UNC5D: variants seen among roughly 807,000 people sequenced by gnomAD.
UNC5D encodes the protein netrin receptor UNC5D.
Under a neutral mutation model 105.4 loss-of-function variants are expected in UNC5D, and 39 were observed. The observed-to-expected ratio is 0.37, with a 90% CI of 0.29 to 0.48. UNC5D has a LOEUF of 0.48. Ranked by LOEUF, UNC5D falls within the 20% of genes least tolerant of loss-of-function variation. The pLI, the probability that UNC5D is intolerant of heterozygous loss-of-function variation, is 0.98. For missense variants in UNC5D, 991 were observed against 1,202.4 expected (o/e 0.82, Z 2.60); for synonymous variants, 452 against 450.4 (o/e 1.00, Z -0.04).
chr8:35,614,471 A>G (rs751945976), intron 4 of UNC5D, among the ~76,000 whole-genome samples: 1 of 152,188 alleles, frequency 6.6e-6, no homozygotes, highest in East Asian at 1.9e-4. Context: ...AATAGTCCAC[A>G]TAAACTTTGC....
intron 1 of UNC5D, among the ~76,000 whole-genome samples, chr8:35,403,476 G>C (rs960225888): frequency 4.6e-5 from 7 of 152,242 alleles, no homozygotes; most frequent in African/African-American, 1.4e-4. Flanking sequence ...TAAAATGGAA[G>C]AAAGTGCAAA....
intron 1 of UNC5D, among the ~76,000 whole-genome samples, chr8:35,264,631 G>A (rs1804716669): frequency 6.6e-6 from 1 of 151,614 alleles, no homozygotes; most frequent in Admixed American, 6.6e-5. Context: ...TTGGGAGACT[G>A]AGACAGGAGA....
intron 1 of UNC5D, among the ~76,000 whole-genome samples, chr8:35,437,493 T>A (rs1807098063): frequency 6.6e-6 from 1 of 152,146 alleles, no homozygotes; most frequent in Non-Finnish European, 1.5e-5. Context: ...GGGTATCTGA[T>A]GAATACCTAT....
intron 15 of UNC5D, among the ~76,000 whole-genome samples, chr8:35,773,702 TCAC>T (rs908633330): frequency 7.2e-4 from 107 of 148,306 alleles, no homozygotes; most frequent in African/African-American, 2.7e-3. Flanking sequence ...AATTCTGCTC[TCAC>T]CTGACAGTTT....
intron 1 of UNC5D, among the ~76,000 whole-genome samples, chr8:35,434,669 A>T (rs1311836097): frequency 6.6e-6 from 1 of 152,146 alleles, no homozygotes; most frequent in Non-Finnish European, 1.5e-5. Context: ...CAGTTCCACA[A>T]TTTAATTAGA....
intron 1 of UNC5D, among the ~76,000 whole-genome samples, chr8:35,410,154 C>T (rs1805071589): frequency 1.3e-5 from 2 of 151,968 alleles, no homozygotes; most frequent in African/African-American, 4.8e-5. Context: ...TAGTAACTCA[C>T]ATGAGCAACT....
chr8:35,337,819 AGTG>A (rs1310620668), intron 1 of UNC5D, among the ~76,000 whole-genome samples: 1 of 152,002 alleles, frequency 6.6e-6, no homozygotes, highest in Non-Finnish European at 1.5e-5. Flanking sequence ...ACATTTCTAA[AGTG>A]GTAATCATAT....
At chr8:35,350,094 A>C (rs1235479761) in intron 1 of UNC5D, among the ~76,000 whole-genome samples, 1 of 151,986 alleles carries the variant, frequency 6.6e-6, no homozygotes, top group East Asian at 1.9e-4. Flanking sequence ...ATCTCCCGAA[A>C]GAGTCTTGGG....
At chr8:35,241,042 A>G (rs1186542500) in intron 1 of UNC5D, among the ~76,000 whole-genome samples, 1 of 152,120 alleles carries the variant, frequency 6.6e-6, no homozygotes, top group African/African-American at 2.4e-5. Context: ...CATGTCTTGT[A>G]TTTTTAGCCT....
At chr8:35,352,832 C>G (rs1193548745) in intron 1 of UNC5D, among the ~76,000 whole-genome samples, 2 of 152,066 alleles carry the variant, frequency 1.3e-5, no homozygotes, top group African/African-American at 4.8e-5. Context: ...AGTCTGGTCT[C>G]AGACTCCTGA....
rs768314321 is a variant in UNC5D at position 35,722,175 on chromosome 8, T to C, written c.1118-35T>C. 5 of 1,603,318 alleles carry C rather than the reference T, an allele frequency of 3.1e-6. No homozygotes were observed. In the East Asian group the frequency reaches 1.1e-4, roughly 36 times the overall value. Reference sequence around the variant, plus strand: ...GAGTGGTTCTTTGACTTTGTGCCCATGCTGGTCACTTACAATTTCTCTTGT... The same window carrying C: ...GAGTGGTTCTTTGACTTTGTGCCCACGCTGGTCACTTACAATTTCTCTTGT... On this transcript the variant is annotated intron_variant, in intron 8 of 16. Transcript: ENST00000404895.
intron 1 of UNC5D, among the ~76,000 whole-genome samples, chr8:35,249,593 AATAATAATAAAAT>A (rs1205639021): frequency 1.2e-4 from 17 of 138,500 alleles, no homozygotes; most frequent in Admixed American, 5.9e-4. Flanking sequence ...TAATAATAAT[AATAATAATAAAAT>A]AAATAAATAA....
intron 3 of UNC5D, among the ~76,000 whole-genome samples, chr8:35,582,958 C>G (rs1435229545): frequency 6.6e-6 from 1 of 152,168 alleles, no homozygotes; most frequent in Non-Finnish European, 1.5e-5. Flanking sequence ...ATTTTGCATT[C>G]CAGTGCTCAG....
chr8:35,296,852 C>T (rs1807532177), intron 1 of UNC5D, among the ~76,000 whole-genome samples: 1 of 152,204 alleles, frequency 6.6e-6, no homozygotes, highest in Non-Finnish European at 1.5e-5. Context: ...CACAACACCA[C>T]TCATTGTACT....
chr8:35,717,848 A>G (rs1165524809), intron 8 of UNC5D, among the ~76,000 whole-genome samples: 2 of 152,082 alleles, frequency 1.3e-5, no homozygotes, highest in South Asian at 4.1e-4. Context: ...CTCTCCTTAT[A>G]ACAACATTTT....
At chr8:35,494,251 T>C (rs1266445496) in intron 1 of UNC5D, among the ~76,000 whole-genome samples, 1 of 152,150 alleles carries the variant, frequency 6.6e-6, no homozygotes, top group East Asian at 1.9e-4. Flanking sequence ...GATTAAGTAT[T>C]TGGTGTCTCT....
At chr8:35,262,896 C>A (rs922944884) in intron 1 of UNC5D, among the ~76,000 whole-genome samples, 2 of 152,126 alleles carry the variant, frequency 1.3e-5, no homozygotes, top group African/African-American at 4.8e-5. Flanking sequence ...ATCTTCAGTA[C>A]CAGAAATCTA....
chr8:35,437,987 T>C (rs112427979), intron 1 of UNC5D, among the ~76,000 whole-genome samples: 2 of 152,132 alleles, frequency 1.3e-5, no homozygotes, highest in Non-Finnish European at 2.9e-5. Flanking sequence ...CAGTTTTAAC[T>C]CTGTACTTTG....
chr8:35,335,631 A>T (rs1585612068), intron 1 of UNC5D, among the ~76,000 whole-genome samples: 1 of 152,122 alleles, frequency 6.6e-6, no homozygotes, highest in East Asian at 1.9e-4. Flanking sequence ...GCATGATAGG[A>T]TCTAATAAAT....
Sources: gnomAD v4.1 joint callset for allele counts (sites outside exome capture counted in the v4.1 genomes callset) on GRCh38, gnomAD v4.1.1 for gene constraint, MANE v1.5 for transcripts, NCBI Gene and HGNC (gene_info 2026-07-23, HGNC 2026-07-21) for gene names.